The following PODNL1 variants were observed in gnomAD, a reference collection of about 807,000 sequenced individuals.
PODNL1 encodes podocan-like protein 1.
A neutral mutation model predicts 45.1 loss-of-function variants in PODNL1; 50 were observed. The ratio of observed to expected loss-of-function variants is 1.11; its 90% CI spans 0.88 to 1.40. PODNL1 has a LOEUF of 1.40. Among genes scored for constraint, PODNL1 ranks in the 40% most tolerant of loss-of-function variants. The probability of loss-of-function intolerance (pLI) is 0.00; values close to 1 mark genes in which losing one functional copy is unlikely to be tolerated. For synonymous variants in PODNL1, 406 were observed against 372.5 expected (o/e 1.09, Z -1.04); for missense variants, 788 against 793.3 (o/e 0.99, Z 0.08).
At position 13,933,346 on chromosome 19, in the gene PODNL1, G is replaced by A. The variant is rs754760460; in HGVS notation, c.877C>T (p.Arg293Trp). Residue 293 changes from arginine to tryptophan, a missense_variant, in exon 8 of 10, where the codon CGG becomes TGG. By Grantham distance (101) the Arg-to-Trp change is moderately radical. Around this residue, in one of 3 missense-constraint regions of PODNL1, gnomAD observed 762 missense variants for 750.9 expected, o/e 1.01. Transcript: ENST00000588872. The surrounding 1 kb of genome is among the most constrained non-coding windows in gnomAD (Gnocchi z 5.2). The part of the protein sequence containing the change: ...AILHLGRNRI[R>W]QVEAARLHGA... Reference sequence around the variant, plus strand: ...TGCAGCCGAGCCGCCTCCACCTGCCGGATGCGGTTGCGGCCCAGGTGCAGG... The same window carrying A: ...TGCAGCCGAGCCGCCTCCACCTGCCAGATGCGGTTGCGGCCCAGGTGCAGG... The A allele has an allele frequency of 2.2e-5, 35 of 1,606,344 alleles. No homozygotes were observed. Among genetic ancestry groups the A allele is most frequent in the Middle Eastern group, 1.6e-4 (1 of 6,070 alleles).
Position 13,931,563 on chromosome 19 carries a change from G to T in PODNL1, c.*174C>A. 1 of 662,516 alleles carries T rather than the reference G, an allele frequency of 1.5e-6. No homozygotes were observed. Among genetic ancestry groups the T allele is most frequent in the Non-Finnish European group, 2.1e-6 (1 of 468,592 alleles). 41.0% of individuals were successfully genotyped at this position (662,516 alleles called of 1,614,324 possible). ...CCCGCCAGGCCGGCGTGGTCTGTGA[G>T]CCTGGAGTATGCCAGCTGTGTGCCT... On this transcript the variant is annotated 3_prime_UTR_variant, in exon 10 of 10. Transcript: ENST00000588872.
At chr19:13,934,222 C>G in intron 6 of PODNL1, 32 bp downstream of exon 6, 1 of 1,491,108 alleles carries the variant, frequency 6.7e-7, no homozygotes, top group Non-Finnish European at 8.9e-7. Flanking sequence ...TGAAGAGAGT[C>G]TGGCCCGGGG....
chr19:13,935,417 C>T (rs1056507043), intron 5 of PODNL1, among the ~76,000 whole-genome samples: 8 of 152,188 alleles, frequency 5.3e-5, no homozygotes, highest in Admixed American at 1.3e-4. Flanking sequence ...AACTCCACCT[C>T]CTGGGTTCAA....
Position 13,933,547 on chromosome 19 carries a change from A to G in PODNL1, c.768-92T>C. Reference sequence around the variant, plus strand: ...GGAGGCTGGGGAGTGGTCCTGAGACAGATTTAAGCTGGAGATTTTGACTTG... The same window carrying G: ...GGAGGCTGGGGAGTGGTCCTGAGACGGATTTAAGCTGGAGATTTTGACTTG... On this transcript the variant is annotated intron_variant, in intron 7 of 9. Transcript: ENST00000588872. This position sits in a 1 kb window ranked among gnomAD's most constrained non-coding sequence, Gnocchi z 5.2. 7.5e-7 allele frequency: 1 copy of G among 1,337,082 alleles called. No individual in the cohort carries two copies. The highest frequency in any genetic ancestry group is 1.5e-5 in the African/African-American group (1 of 68,652). 82.8% of individuals were successfully genotyped at this position (1,337,082 alleles called of 1,614,324 possible). A position where few individuals can be genotyped will look rare whatever the true frequency, so the allele number is the denominator to read the frequency against.
chr19:13,942,771 G>A (rs1972694818), upstream of PODNL1, among the ~76,000 whole-genome samples: 1 of 151,980 alleles, frequency 6.6e-6, no homozygotes, highest in Admixed American at 6.6e-5. Flanking sequence ...ATCATGTGAG[G>A]TTGGGAGTTT....
chr19:13,953,216 C>T, exon 1 of PODNL1: 2 of 1,361,818 alleles, frequency 1.5e-6, no homozygotes, highest in Middle Eastern at 1.9e-4. Flanking sequence ...CTGTCTCCTC[C>T]ATCAGACTGG....
Position 13,931,805 on chromosome 19 carries a change from T to C in PODNL1, c.1657A>G (p.Asn553Asp), listed in dbSNP as rs1971956163. 5 of 1,231,860 alleles carry C rather than the reference T, an allele frequency of 4.1e-6. No individual in the cohort carries two copies. The highest frequency in any genetic ancestry group is 5.1e-6 in the Non-Finnish European group (5 of 987,900). 76.3% of individuals were successfully genotyped at this position (1,231,860 alleles called of 1,614,324 possible). ...AGCCGGATCAGGACCTGCTCCGGAT[T>C]CCCTGCCGTGTCCACCACACGCAGG... ...PNLRVVDTAG[N>D]PEQVLIRLPP... The change falls in exon 10 of 10, where the codon AAT becomes GAT. Residue 553 changes from asparagine to aspartate, a missense_variant. Physicochemically the swap from Asn to Asp is conservative, Grantham distance 23. This residue lies in a region of PODNL1 where 9 missense variants were observed against 25.6 expected (regional missense o/e 0.35). Transcript: ENST00000588872.
At chr19:13,932,602 T>A (rs1041236721) in intron 8 of PODNL1, 196 bp downstream of exon 8, 1 of 1,434,474 alleles carries the variant, frequency 7.0e-7, no homozygotes, top group Admixed American at 2.2e-5. Context: ...GCGATTCTCC[T>A]GCCTTGGCTC....
chr19:13,942,483 G>A (rs1972685746), upstream of PODNL1, among the ~76,000 whole-genome samples: 1 of 152,162 alleles, frequency 6.6e-6, no homozygotes, highest in South Asian at 2.1e-4. Flanking sequence ...CATTGTTCCT[G>A]TAAATAACCC....
intron 1 of PODNL1, among the ~76,000 whole-genome samples, chr19:13,951,570 C>T (rs1464266594): frequency 2.0e-5 from 3 of 152,172 alleles, no homozygotes; most frequent in South Asian, 4.1e-4. Flanking sequence ...GTCAGGAGTT[C>T]GCAACCAGCC....
At chr19:13,941,013 A>C (rs930824679), upstream of PODNL1, among the ~76,000 whole-genome samples, 1 of 151,490 alleles carries the variant, frequency 6.6e-6, no homozygotes, top group Non-Finnish European at 1.5e-5. Flanking sequence ...GCTACTGTAC[A>C]CCAGCCTGGA....
chr19:13,934,335 G>A lies in PODNL1; in HGVS notation c.570C>T (p.Ile190=), dbSNP rs1439107931. The part of the protein sequence containing the change: ...PPDAFRGSEA[I]ATLSLSNNQL... ...GGTTGTTGGAGAGGCTGAGGGTGGC[G>A]ATGGCCTCGGAGCCGCGGAAGGCGT... Residue 190 remains isoleucine (I), a synonymous_variant, in exon 6 of 10, where the codon ATC becomes ATT. Transcript: ENST00000588872. The A allele has an allele frequency of 3.2e-6, 5 of 1,554,658 alleles. No individual in the cohort carries two copies. Among genetic ancestry groups the A allele is most frequent in the South Asian group, 1.2e-5 (1 of 81,080 alleles).
chr19:13,952,268 A>C (rs181031378), intron 1 of PODNL1, among the ~76,000 whole-genome samples: 16 of 152,380 alleles, frequency 1.1e-4, no homozygotes, highest in East Asian at 7.7e-4. Context: ...TTATCTGGGC[A>C]GGGCGAACAA....
At position 13,936,048 on chromosome 19, in the gene PODNL1, G is replaced by A. The variant is rs1435803919; in HGVS notation, c.320-4C>T. The A allele has an allele frequency of 1.3e-6, 2 of 1,549,376 alleles. No individual in the cohort carries two copies. Among genetic ancestry groups the A allele is most frequent in the Non-Finnish European group, 8.7e-7 (1 of 1,147,190 alleles). ...TCGAAGGCCTCGTCAGGCAGGCCTG[G>A]GAGAGTAGGGGGGCAGTGAAGGGAC... On this transcript the variant is annotated splice_region_variant and splice_polypyrimidine_tract_variant and intron_variant, in intron 3 of 9. Transcript: ENST00000588872.
intron 5 of PODNL1, among the ~76,000 whole-genome samples, chr19:13,935,356 T>C (rs1018699762): frequency 5.9e-5 from 9 of 152,150 alleles, no homozygotes; most frequent in African/African-American, 2.2e-4. Context: ...AGACAGAGTC[T>C]CACTCTGTCG....
chr19:13,934,451 C>A, intron 5 of PODNL1, 41 bp from the exon 6 acceptor site: 1 of 1,461,988 alleles, frequency 6.8e-7, no homozygotes. Flanking sequence ...TGCCCCTCGC[C>A]TCCTACCACC....
intron 1 of PODNL1, among the ~76,000 whole-genome samples, chr19:13,944,980 T>A (rs1245441634): frequency 6.6e-6 from 1 of 152,122 alleles, no homozygotes; most frequent in Non-Finnish European, 1.5e-5. Context: ...TTTACCATAT[T>A]GGTCAGGCTG....
At chr19:13,944,249 G>A (rs916152426) in intron 1 of PODNL1, among the ~76,000 whole-genome samples, 4 of 149,286 alleles carry the variant, frequency 2.7e-5, no homozygotes, top group Non-Finnish European at 3.0e-5. Flanking sequence ...TGCAAGCTCC[G>A]CCTCCCGGGT....
At chr19:13,952,405 G>C in intron 1 of PODNL1, 1 of 1,224,684 alleles carries the variant, frequency 8.2e-7, no homozygotes, top group African/African-American at 1.6e-5. Flanking sequence ...CGCGAGTGCG[G>C]GCTTTCGCCC....
Sources: allele counts gnomAD v4.1 joint callset (sites outside exome capture counted in the v4.1 genomes callset), GRCh38; gene constraint gnomAD v4.1.1; regional missense constraint gnomAD v4.1.1; non-coding constraint Gnocchi (gnomAD v3.1); transcripts MANE v1.5; gene names NCBI Gene and HGNC (gene_info 2026-07-23, HGNC 2026-07-21).